The following OTX1 variants were observed in gnomAD, a reference collection of about 807,000 sequenced individuals.
OTX1 encodes homeobox protein OTX1.
Under a neutral mutation model 26.7 loss-of-function variants are expected in OTX1, and 7 were observed. The observed-to-expected ratio is 0.26, with a 90% CI of 0.15 to 0.49. The LOEUF (loss-of-function observed/expected upper bound fraction) is 0.49, where lower values mean the gene tolerates loss of function less well. OTX1 is among the 20% of genes least tolerant of loss of function. The pLI is 0.98. For missense variants in OTX1, 414 were observed against 483.8 expected (o/e 0.86, Z 1.35); for synonymous variants, 216 against 212.8 (o/e 1.01, Z -0.13).
At chr2:63,052,845 G>T (rs1164211057) in intron 2 of OTX1, 35 bp from the exon 3 acceptor site, 2 of 586,932 alleles carry the variant, frequency 3.4e-6, no homozygotes, top group Non-Finnish European at 6.0e-6. Flanking sequence ...AAGTGGCTCC[G>T]ATTGACGGTT....
intron 3 of OTX1, chr2:63,053,630 C>G (rs899633633): frequency 5.6e-6 from 1 of 179,794 alleles, no homozygotes; most frequent in African/African-American, 2.4e-5. Context: ...GCTCCTTTAC[C>G]TCATTTATTT....
In OTX1 at chr2:63,056,772, C is replaced by T. The variant is rs551787429; in HGVS notation, c.*456C>T. ...TGCCCATTGGAGCACCCGCACACTACTCCAAATCAAAACCACTAAGAGTTC... is the reference window on the plus strand; with the variant it reads ...TGCCCATTGGAGCACCCGCACACTATTCCAAATCAAAACCACTAAGAGTTC... On this transcript the variant is annotated 3_prime_UTR_variant, in exon 5 of 5. Coordinates refer to ENST00000282549, the MANE Select transcript of OTX1 (RefSeq NM_014562.4). 16 of 168,832 alleles carry T rather than the reference C, an allele frequency of 9.5e-5. No homozygotes were observed. The highest frequency in any genetic ancestry group is 7.7e-4 in the Admixed American group (14 of 18,066). The allele number at this position is 168,832 out of a possible 1,614,324, so 10.5% of individuals were successfully genotyped here.
chr2:63,053,123 TC>T, intron 3 of OTX1, 36 bp downstream of exon 3: 1 of 1,410,512 alleles, frequency 7.1e-7, no homozygotes, highest in East Asian at 2.5e-5. Flanking sequence ...CCTCAGCCTC[TC>T]AAATGTTGGG....
In OTX1 at chr2:63,056,523, A is replaced by T; in HGVS notation, c.*207A>T. ...TGTGCAAACCCACCCTGCCCCTTGGATGGGGGGACCGGTGCTTCGGCTTGG... is the reference window on the plus strand; with the variant it reads ...TGTGCAAACCCACCCTGCCCCTTGGTTGGGGGGACCGGTGCTTCGGCTTGG... On this transcript the variant is annotated 3_prime_UTR_variant, in exon 5 of 5. Coordinates refer to ENST00000282549, the MANE Select transcript of OTX1 (RefSeq NM_014562.4). 1.7e-6 allele frequency: 1 copy of T among 603,022 alleles called. No individual in the cohort carries two copies. Among genetic ancestry groups the T allele is most frequent in the Non-Finnish European group, 2.9e-6 (1 of 340,640 alleles). The allele number at this position is 603,022 out of a possible 1,614,324, so 37.4% of individuals were successfully genotyped here.
At chr2:63,053,457 T>C (rs574835737) in intron 3 of OTX1, 11 of 217,644 alleles carry the variant, frequency 5.1e-5, no homozygotes, top group African/African-American at 1.8e-4. Context: ...CGTTAGGCCC[T>C]GACAGAAAGA....
At chr2:63,050,426 G>A (rs1283211759), upstream of OTX1, among the ~76,000 whole-genome samples, 1 of 152,156 alleles carries the variant, frequency 6.6e-6, no homozygotes, top group Non-Finnish European at 1.5e-5. Flanking sequence ...TGTAGCGCGC[G>A]GGAGAGCGAA....
intron 1 of OTX1, 107 bp downstream of exon 1, chr2:63,051,004 C>G (rs571862214): frequency 6.6e-6 from 1 of 152,352 alleles, no homozygotes; most frequent in African/African-American, 2.4e-5. Context: ...GAGCCACCTC[C>G]CAACTCTGCC....
chr2:63,050,681 AG>A (rs1365307295), upstream of OTX1: 1 of 67,928 alleles, frequency 1.5e-5, no homozygotes, highest in Non-Finnish European at 3.3e-5. Flanking sequence ...GGGGCGGGGG[AG>A]GGCGGGGGCG....
At position 63,055,966 on chromosome 2, in the gene OTX1, T is replaced by A; in HGVS notation, c.715T>A (p.Ser239Thr). ...GSYGQGYPTP[S>T]SSYFGGVDCS... ...CTACGGCCAAGGCTACCCTACGCCC[T>A]CCTCTTCCTACTTTGGCGGCGTGGA... The change falls in exon 5 of 5, where the codon TCC (serine) becomes ACC (threonine). Residue 239 changes from serine (S) to threonine (T), a missense_variant. This residue lies in a region of OTX1 where 320 missense variants were observed against 347.9 expected (regional missense o/e 0.92). Coordinates refer to ENST00000282549, the MANE Select transcript of OTX1 (RefSeq NM_014562.4). This position sits in a 1 kb window ranked among gnomAD's most constrained non-coding sequence, Gnocchi z 5.2. 1 of 1,613,558 alleles carries A rather than the reference T, an allele frequency of 6.2e-7. No individual in the cohort carries two copies. Among genetic ancestry groups the A allele is most frequent in the Non-Finnish European group, 8.5e-7 (1 of 1,180,024 alleles).
At chr2:63,049,855 T>A (rs2153387422), upstream of OTX1, among the ~76,000 whole-genome samples, 1 of 152,302 alleles carries the variant, frequency 6.6e-6, no homozygotes, top group African/African-American at 2.4e-5. The surrounding 1 kb of genome is among the most constrained non-coding windows in gnomAD (Gnocchi z 4.8). Context: ...GCTTCGCCCG[T>A]ACGAACAATC....
intron 3 of OTX1, among the ~76,000 whole-genome samples, chr2:63,053,709 TGTGTGTGTGC>T (rs1224521427): frequency 4.6e-5 from 7 of 151,918 alleles, no homozygotes; most frequent in Admixed American, 1.3e-4. Flanking sequence ...CCATCCAGAG[TGTGTGTGTGC>T]GTGTGTGTGC....
rs2062077407 is a variant in OTX1, at chr2:63,057,586, T to C, written c.*1270T>C. On this transcript the variant is annotated 3_prime_UTR_variant, in exon 5 of 5. Coordinates refer to ENST00000282549, the MANE Select transcript of OTX1 (RefSeq NM_014562.4). ...CAGTTCCAACTCCTCTGTCGGCTTC[T>C]CTCTTTCAACACCCTTGTTTTGTCT... The C allele has an allele frequency of 6.6e-6, 1 of 152,238 alleles. No homozygotes were observed. Among genetic ancestry groups the C allele is most frequent in the Non-Finnish European group, 1.5e-5 (1 of 68,060 alleles). The allele number at this position is 152,238 out of a possible 1,614,324, so 9.4% of individuals were successfully genotyped here.
chr2:63,052,657 A>G (rs1031895592), intron 2 of OTX1, among the ~76,000 whole-genome samples: 20 of 152,070 alleles, frequency 1.3e-4, no homozygotes, highest in Admixed American at 1.2e-3. Context: ...CCTTACTCCT[A>G]TGGACTCCCT....
intron 3 of OTX1, 74 bp downstream of exon 3, chr2:63,053,161 C>A: frequency 1.9e-6 from 2 of 1,037,510 alleles, no homozygotes; most frequent in South Asian, 1.6e-5. Flanking sequence ...GATTTGAGTG[C>A]AAGCTTTGTT....
rs1373688180 is a variant in OTX1 at position 63,051,283 on chromosome 2, G to C, written c.-146G>C. The C allele has an allele frequency of 6.6e-6, 1 of 152,468 alleles. No individual in the cohort carries two copies. The highest frequency in any genetic ancestry group is 1.9e-4 in the East Asian group (1 of 5,194). 9.4% of individuals were successfully genotyped at this position (152,468 alleles called of 1,614,324 possible). A position where few individuals can be genotyped will look rare whatever the true frequency, so the allele number is the denominator to read the frequency against. Reference sequence around the variant, plus strand: ...CCGGCGGGTCTCTGTGAGAGATCCAGGTAGATGGTGAACGGCCCCGGCAGC... The same window carrying C: ...CCGGCGGGTCTCTGTGAGAGATCCACGTAGATGGTGAACGGCCCCGGCAGC... On this transcript the variant is annotated 5_prime_UTR_variant, in exon 2 of 5. Coordinates refer to ENST00000282549, the MANE Select transcript of OTX1 (RefSeq NM_014562.4).
At position 63,057,535 on chromosome 2, in the gene OTX1, A is replaced by G. The variant is rs1037938969; in HGVS notation, c.*1219A>G. On this transcript the variant is annotated 3_prime_UTR_variant, in exon 5 of 5. Coordinates refer to ENST00000282549, the MANE Select transcript of OTX1 (RefSeq NM_014562.4). ...TCCGTAAAAGTACAGCATTAGGGAAAAACAAACAAACCCAGGCCCCAAACC... is the reference window on the plus strand; with the variant it reads ...TCCGTAAAAGTACAGCATTAGGGAAGAACAAACAAACCCAGGCCCCAAACC... The G allele has an allele frequency of 6.6e-6, 1 of 152,296 alleles. No homozygotes were observed. Among genetic ancestry groups the G allele is most frequent in the African/African-American group, 2.4e-5 (1 of 41,466 alleles). The allele number at this position is 152,296 out of a possible 1,614,324, so 9.4% of individuals were successfully genotyped here.
At chr2:63,054,231 G>A (rs773513572) in intron 4 of OTX1, 33 bp downstream of exon 4, 2 of 1,541,090 alleles carry the variant, frequency 1.3e-6, no homozygotes, top group East Asian at 4.7e-5. Flanking sequence ...GGTCTGGGTA[G>A]GGGAGCTGAG....
In OTX1 at chr2:63,056,365, G is replaced by C; in HGVS notation, c.*49G>C. 6.6e-7 allele frequency: 1 copy of C among 1,504,418 alleles called. No individual in the cohort carries two copies. The allele number at this position is 1,504,418 out of a possible 1,614,324, so 93.2% of individuals were successfully genotyped here. A position where few individuals can be genotyped will look rare whatever the true frequency, so the allele number is the denominator to read the frequency against. ...AAACGCAACTACCTGCGCCCTCCGT[G>C]GTCCCGATCCTGTTGCTGCTGCTGC... On this transcript the variant is annotated 3_prime_UTR_variant, in exon 5 of 5. Coordinates refer to ENST00000282549, the MANE Select transcript of OTX1 (RefSeq NM_014562.4).
At chr2:63,049,787 A>G (rs1280651221), upstream of OTX1, among the ~76,000 whole-genome samples, 1 of 152,180 alleles carries the variant, frequency 6.6e-6, no homozygotes, top group African/African-American at 2.4e-5. The surrounding 1 kb of genome is among the most constrained non-coding windows in gnomAD (Gnocchi z 4.8). Flanking sequence ...TCTTTTTTGC[A>G]CTTTTAAAAG....
Sources: allele counts gnomAD v4.1 joint callset (sites outside exome capture counted in the v4.1 genomes callset), GRCh38; gene constraint gnomAD v4.1.1; regional missense constraint gnomAD v4.1.1; non-coding constraint Gnocchi (gnomAD v3.1); transcripts MANE v1.5; gene names NCBI Gene and HGNC (gene_info 2026-07-23, HGNC 2026-07-21).